Variants in EYA2 observed in about 807,000 individuals in gnomAD.
The protein encoded by EYA2 is protein phosphatase EYA2.
EYA2 carries 31 observed loss-of-function variants against 69.2 expected under a neutral mutation model. The observed-to-expected ratio is 0.45, with a 90% CI of 0.34 to 0.60. EYA2 has a LOEUF of 0.60. EYA2 is among the 20% of genes least tolerant of loss of function. The probability of loss-of-function intolerance (pLI) is 0.02; values close to 1 mark genes in which losing one functional copy is unlikely to be tolerated. For synonymous variants in EYA2, 257 were observed against 279.4 expected, an observed-to-expected ratio of 0.92 and a Z score of 0.80; for missense variants, 622 against 701.2, an observed-to-expected ratio of 0.89 and a Z score of 1.28.
chr20:47,040,903 T>C (rs746642609), intron 5 of EYA2, among the ~76,000 whole-genome samples: 4 of 152,166 alleles, frequency 2.6e-5, no homozygotes, highest in Admixed American at 6.5e-5. Context: ...GTAGCCAGCA[T>C]CTTATCACTG....
intron 9 of EYA2, among the ~76,000 whole-genome samples, chr20:47,133,265 G>A (rs2033386312): frequency 1.3e-5 from 2 of 152,174 alleles, no homozygotes; most frequent in East Asian, 1.9e-4. Flanking sequence ...GGAAAAAAAG[G>A]TGCCTCTCCC....
intron 5 of EYA2, among the ~76,000 whole-genome samples, chr20:47,049,966 C>A (rs983713902): frequency 5.9e-5 from 9 of 151,822 alleles, no homozygotes. Context: ...GGCGTGTCTC[C>A]TGTTTCCTGG....
At chr20:46,998,135 C>A in intron 2 of EYA2, 1 of 165,318 alleles carries the variant, frequency 6.0e-6, no homozygotes. Context: ...GTGGCAAGGT[C>A]ATTCCTGAGC....
intron 5 of EYA2, among the ~76,000 whole-genome samples, chr20:47,071,390 T>C (rs2031310528): frequency 6.6e-6 from 1 of 152,108 alleles, no homozygotes; most frequent in Non-Finnish European, 1.5e-5. Context: ...AGACTGAAAC[T>C]ACCAAGTGCT....
At chr20:46,973,889 C>T (rs1980293306) in intron 1 of EYA2, among the ~76,000 whole-genome samples, 2 of 151,764 alleles carry the variant, frequency 1.3e-5, no homozygotes, top group South Asian at 2.1e-4. Flanking sequence ...ACTCATGAAT[C>T]GCTGCATGGC....
intron 10 of EYA2, among the ~76,000 whole-genome samples, chr20:47,154,936 C>T (rs1251597069): frequency 6.6e-6 from 1 of 151,400 alleles, no homozygotes; most frequent in Non-Finnish European, 1.5e-5. Context: ...ACCTTCACCT[C>T]CCTGGTTCAA....
intron 2 of EYA2, among the ~76,000 whole-genome samples, chr20:47,000,651 A>C (rs1982308382): frequency 6.6e-6 from 1 of 151,998 alleles, no homozygotes; most frequent in Non-Finnish European, 1.5e-5. Context: ...CCCCGGGCAA[A>C]CGTCTCTCCC....
intron 1 of EYA2, among the ~76,000 whole-genome samples, chr20:46,943,848 ACTT>A (rs1249304339): frequency 2.6e-5 from 4 of 151,974 alleles, no homozygotes; most frequent in Admixed American, 2.6e-4. Context: ...CTGTAAAAGA[ACTT>A]CTCTGTGGCT....
chr20:47,040,445 T>C (rs377576582), intron 5 of EYA2, among the ~76,000 whole-genome samples: 1 of 152,184 alleles, frequency 6.6e-6, no homozygotes, highest in East Asian at 1.9e-4. Flanking sequence ...TTCTGGTCTG[T>C]CGAAGGGGAA....
At chr20:47,020,326 T>G (rs1983674603) in intron 5 of EYA2, among the ~76,000 whole-genome samples, 1 of 152,086 alleles carries the variant, frequency 6.6e-6, no homozygotes, top group East Asian at 1.9e-4. Flanking sequence ...CCAAAAACTT[T>G]AGCACAGCCA....
intron 1 of EYA2, among the ~76,000 whole-genome samples, chr20:46,959,321 G>T (rs919457132): frequency 6.6e-6 from 1 of 152,166 alleles, no homozygotes; most frequent in Non-Finnish European, 1.5e-5. Flanking sequence ...GTGGAGATTT[G>T]GGACTGGACC....
intron 9 of EYA2, among the ~76,000 whole-genome samples, chr20:47,116,359 G>GTA (rs2146548952): frequency 6.6e-6 from 1 of 151,998 alleles, no homozygotes; most frequent in Admixed American, 6.5e-5. Context: ...TGTATTTTTA[G>GTA]TAGAGACTGG....
rs190034815 is a variant in EYA2 at position 47,169,156 on chromosome 20, C to T, written c.996C>T (p.His332=). The T allele has an allele frequency of 1.2e-5, 20 of 1,613,930 alleles. No homozygotes were observed. Among genetic ancestry groups the T allele is most frequent in the African/African-American group, 8.0e-5 (6 of 74,994 alleles). Residue 332 remains histidine, a synonymous_variant, in exon 11 of 16, where the codon CAC becomes CAT. Transcript: ENST00000327619. ...FNDLEDCDQI[H]VDDVSSDDNG... ...TTCCATAGGATTGTGACCAGATCCA[C>T]GTTGATGACGTCTCATCAGATGACA...
At chr20:46,923,914 C>T (rs973257066) in intron 1 of EYA2, among the ~76,000 whole-genome samples, 8 of 152,114 alleles carry the variant, frequency 5.3e-5, no homozygotes, top group Admixed American at 3.3e-4. Context: ...TGCTAACTTT[C>T]AGCTCTTTTA....
chr20:47,014,758 G>C (rs1055222064), intron 4 of EYA2, among the ~76,000 whole-genome samples: 1 of 151,442 alleles, frequency 6.6e-6, no homozygotes, highest in East Asian at 1.9e-4. Context: ...ATGTATATAT[G>C]TGTGTATATA....
intron 11 of EYA2, among the ~76,000 whole-genome samples, chr20:47,171,552 C>T (rs2034322784): frequency 6.6e-6 from 1 of 152,050 alleles, no homozygotes; most frequent in Non-Finnish European, 1.5e-5. Context: ...TATCCTCATC[C>T]TCATTTTTCA....
chr20:46,907,614 G>T (rs370185644), intron 1 of EYA2, among the ~76,000 whole-genome samples: 1 of 152,192 alleles, frequency 6.6e-6, no homozygotes, highest in Non-Finnish European at 1.5e-5. Flanking sequence ...CAAGGCAGGC[G>T]GATTGCGTGA....
At chr20:47,046,003 CAG>C (rs936624120) in intron 5 of EYA2, among the ~76,000 whole-genome samples, 1 of 152,178 alleles carries the variant, frequency 6.6e-6, no homozygotes, top group African/African-American at 2.4e-5. Flanking sequence ...CTATAACAAA[CAG>C]AATATCATAG....
rs147594675 is a variant in EYA2, at chr20:47,127,816, G to C, written c.889-15243G>C. Among the ~76,000 whole-genome samples, 456 of 152,352 alleles carry C rather than the reference G, an allele frequency of 3.0e-3. 3 individuals carry two copies. The highest frequency in any genetic ancestry group is 0.01 in the African/African-American group (423 of 41,586). On this transcript the variant is annotated intron_variant, in intron 9 of 15. Transcript: ENST00000327619. Reference sequence around the variant, plus strand: ...ATTCAAGCTTCTTAGAGCAAGGGCCGTAGGCTTCGTGTTTCTATCTGGAAG... The same window carrying C: ...ATTCAAGCTTCTTAGAGCAAGGGCCCTAGGCTTCGTGTTTCTATCTGGAAG...
Sources: gnomAD v4.1 joint callset for allele counts (sites outside exome capture counted in the v4.1 genomes callset) on GRCh38, gnomAD v4.1.1 for gene constraint, MANE v1.5 for transcripts, NCBI Gene and HGNC (gene_info 2026-07-23, HGNC 2026-07-21) for gene names.